The following PRORP variants were observed in gnomAD, a reference collection of about 807,000 sequenced individuals.
The protein encoded by PRORP is protein only RNase P catalytic subunit.
PRORP carries 51 observed loss-of-function variants against 59.4 expected under a neutral mutation model. That is an observed-to-expected ratio of 0.86 (90% CI 0.69 to 1.08). The LOEUF is 1.08. PRORP is among the 50% of genes least tolerant of loss of function. PRORP has a pLI of 0.00. For missense variants in PRORP, 646 were observed against 690.3 expected (o/e 0.94, Z 0.72); for synonymous variants, 231 against 245.6 (o/e 0.94, Z 0.55).
chr14:35,270,473 C>A lies in PRORP; in HGVS notation c.1497C>A (p.Asp499Glu). The A allele has an allele frequency of 6.2e-7, 1 of 1,614,170 alleles. No homozygotes were observed. The highest frequency in any genetic ancestry group is 2.2e-5 in the East Asian group (1 of 44,882). ...SGNHCRFITR[D>E]LMRDHKACLP... The stretch of plus-strand genomic sequence containing the variant: ...ATCACTGCAGGTTTATCACAAGAGA[C>A]CTGATGCGGGACCACAAGGCCTGTC... The change falls in exon 7 of 8, where the codon GAC becomes GAA. Residue 499 changes from aspartate to glutamate, a missense_variant. Asp to Glu is a conservative substitution (Grantham distance 45). Coordinates refer to ENST00000534898, the MANE Select transcript of PRORP (RefSeq NM_014672.4).
chr14:35,234,298 C>T (rs1475546929), intron 5 of PRORP, among the ~76,000 whole-genome samples: 1 of 152,208 alleles, frequency 6.6e-6, no homozygotes, highest in East Asian at 1.9e-4. Context: ...CAATTAGGCC[C>T]AAGGATACTT....
intron 6 of PRORP, among the ~76,000 whole-genome samples, chr14:35,267,713 G>A (rs951891347): frequency 7.9e-5 from 12 of 151,966 alleles, no homozygotes; most frequent in Non-Finnish European, 1.2e-4. Flanking sequence ...CCCGGGAGGC[G>A]GAGCTTGCAG....
intron 5 of PRORP, among the ~76,000 whole-genome samples, chr14:35,255,724 C>T (rs1404791793): frequency 6.6e-6 from 1 of 152,034 alleles, no homozygotes; most frequent in Non-Finnish European, 1.5e-5. Context: ...AGACTGGAGA[C>T]TATGTTACAT....
intron 4 of PRORP, among the ~76,000 whole-genome samples, chr14:35,147,078 A>G (rs1031944457): frequency 1.3e-5 from 2 of 152,114 alleles, no homozygotes; most frequent in Non-Finnish European, 2.9e-5. Context: ...AGCCTGGGAG[A>G]CAGAGTGAGA....
intron 4 of PRORP, among the ~76,000 whole-genome samples, chr14:35,131,297 G>A (rs918489633): frequency 6.6e-6 from 1 of 152,102 alleles, no homozygotes; most frequent in Non-Finnish European, 1.5e-5. Flanking sequence ...GATAGGTCTG[G>A]TGTTGATGTA....
At position 35,276,891 on chromosome 14, in the gene PRORP, T is replaced by C. The variant is rs376239945; in HGVS notation, c.*3325T>C. On this transcript the variant is annotated 3_prime_UTR_variant, in exon 8 of 8. Coordinates refer to ENST00000534898, the MANE Select transcript of PRORP (RefSeq NM_014672.4). ...AAATCTCAAGGAAGAAGGCTGAGTT[T>C]ATTCTCTCAGGGCTCTGTTGGGTCT... 2 of 152,310 alleles carry C rather than the reference T, an allele frequency of 1.3e-5. No individual in the cohort carries two copies. The highest frequency in any genetic ancestry group is 4.8e-5 in the African/African-American group (2 of 41,584). The allele number at this position is 152,310 out of a possible 1,614,324, so 9.4% of individuals were successfully genotyped here. A position where few individuals can be genotyped will look rare whatever the true frequency, so the allele number is the denominator to read the frequency against.
chr14:35,168,613 T>TA (rs533478674), intron 4 of PRORP, among the ~76,000 whole-genome samples: 28 of 152,230 alleles, frequency 1.8e-4, no homozygotes, highest in African/African-American at 6.5e-4. Context: ...AAAAAAATAA[T>TA]AAAAAAGCAT....
chr14:35,274,077 C>T lies in PRORP; in HGVS notation c.*511C>T, dbSNP rs1246521399. The stretch of plus-strand genomic sequence containing the variant: ...GCCAAGATACTAAAGGCTTACTATT[C>T]ATAGCAGTTTTTAATTACTTATCAT... On this transcript the variant is annotated 3_prime_UTR_variant, in exon 8 of 8. Coordinates refer to ENST00000534898, the MANE Select transcript of PRORP (RefSeq NM_014672.4). 6.6e-6 allele frequency: 1 copy of T among 152,234 alleles called. No homozygotes were observed. Among genetic ancestry groups the T allele is most frequent in the Non-Finnish European group, 1.5e-5 (1 of 68,048 alleles). 9.4% of individuals were successfully genotyped at this position (152,234 alleles called of 1,614,324 possible).
chr14:35,275,086 T>G lies in PRORP; in HGVS notation c.*1520T>G, dbSNP rs1436398511. The G allele has an allele frequency of 6.6e-6, 1 of 152,198 alleles. No individual in the cohort carries two copies. Among genetic ancestry groups the G allele is most frequent in the Non-Finnish European group, 1.5e-5 (1 of 68,036 alleles). The allele number at this position is 152,198 out of a possible 1,614,324, so 9.4% of individuals were successfully genotyped here. On this transcript the variant is annotated 3_prime_UTR_variant, in exon 8 of 8. Transcript: ENST00000534898. ...CTGAGGAAAGGGATATGAGAGAACT[T>G]GAGAGAACTTTCTCGGGGTGATGGA...
rs1329506543 is a variant in PRORP at position 35,266,826 on chromosome 14, G to A, written c.1375G>A (p.Glu459Lys). The change falls in exon 6 of 8, where the codon GAG becomes AAG. Residue 459 changes from glutamate (E) to lysine (K), a missense_variant. Transcript: ENST00000534898. ...LRRSSQWSRD[E>K]MEEVQKQASC... ...ACGGAGTTCCCAGTGGAGTCGGGATGAGATGGAAGAGGTGCAAAAGCAAGC... is the reference window on the plus strand; with the variant it reads ...ACGGAGTTCCCAGTGGAGTCGGGATAAGATGGAAGAGGTGCAAAAGCAAGC... The A allele has an allele frequency of 6.2e-7, 1 of 1,614,200 alleles. No individual in the cohort carries two copies.
At chr14:35,249,581 C>CA (rs1206600236) in intron 5 of PRORP, among the ~76,000 whole-genome samples, 2 of 151,458 alleles carry the variant, frequency 1.3e-5, no homozygotes, top group African/African-American at 2.4e-5. Flanking sequence ...AGAGCAGGAC[C>CA]AAAAAAAATG....
chr14:35,148,717 G>A (rs927741555), intron 4 of PRORP, among the ~76,000 whole-genome samples: 1 of 151,952 alleles, frequency 6.6e-6, no homozygotes, highest in African/African-American at 2.4e-5. Flanking sequence ...CCAATAGAAG[G>A]GGCTGTTTTG....
chr14:35,203,373 G>T (rs1274855159), intron 5 of PRORP, among the ~76,000 whole-genome samples: 1 of 151,824 alleles, frequency 6.6e-6, no homozygotes, highest in Non-Finnish European at 1.5e-5. Flanking sequence ...ACAAAAAATG[G>T]AAAAATTAGC....
intron 5 of PRORP, among the ~76,000 whole-genome samples, chr14:35,265,549 G>A (rs1364327625): frequency 1.3e-5 from 2 of 152,172 alleles, no homozygotes; most frequent in Non-Finnish European, 2.9e-5. Flanking sequence ...GGGAAGTGGA[G>A]AGAATGGGGA....
At chr14:35,182,823 G>A (rs539467772) in intron 5 of PRORP, among the ~76,000 whole-genome samples, 1 of 152,074 alleles carries the variant, frequency 6.6e-6, no homozygotes, top group South Asian at 2.1e-4. Flanking sequence ...GATATTTTTG[G>A]TGGATGATTT....
chr14:35,261,653 C>T (rs2050906950), intron 5 of PRORP, among the ~76,000 whole-genome samples: 1 of 152,010 alleles, frequency 6.6e-6, no homozygotes, highest in African/African-American at 2.4e-5. Flanking sequence ...CACTTGAACC[C>T]AGGAGGCGGA....
intron 4 of PRORP, among the ~76,000 whole-genome samples, chr14:35,172,209 C>T (rs568391535): frequency 7.2e-4 from 110 of 151,726 alleles, no homozygotes; most frequent in Non-Finnish European, 1.3e-3. Context: ...CCACCACATC[C>T]GGCTAATTTT....
chr14:35,270,594 C>T lies in PRORP; in HGVS notation c.1618C>T (p.Gln540Ter). ...NRFPGSKLTF[Q>*]RILSYDTVVQ... The stretch of plus-strand genomic sequence containing the variant: ...GTTTCCAGGATCAAAACTAACCTTT[C>T]AGGTAATGGTACCTGTTCTTTATGT... Residue 540 changes from glutamine to a stop codon, truncating the protein, a stop_gained and splice_region_variant, in exon 7 of 8, where the codon CAG becomes TAG. Transcript: ENST00000534898. LOFTEE classifies it high-confidence loss of function. 1 of 1,613,240 alleles carries T rather than the reference C, an allele frequency of 6.2e-7. No homozygotes were observed. The highest frequency in any genetic ancestry group is 8.5e-7 in the Non-Finnish European group (1 of 1,179,194).
chr14:35,160,196 T>A (rs1294298906), intron 4 of PRORP, among the ~76,000 whole-genome samples: 1 of 152,238 alleles, frequency 6.6e-6, no homozygotes, highest in Non-Finnish European at 1.5e-5. Flanking sequence ...TTTGAGCTGA[T>A]GAATGTTCCT....
Sources: allele counts gnomAD v4.1 joint callset (sites outside exome capture counted in the v4.1 genomes callset), GRCh38; gene constraint gnomAD v4.1.1; transcripts MANE v1.5; gene names NCBI Gene and HGNC (gene_info 2026-07-23, HGNC 2026-07-21).